Variants in RCHY1 observed in about 807,000 individuals in gnomAD.
RCHY1 encodes ring finger and CHY zinc finger domain containing 1, also known as RING finger and CHY zinc finger domain-containing protein 1.
In RCHY1, 21 loss-of-function variants were observed where a neutral mutation model predicts 41.6. That is an observed-to-expected ratio of 0.51 (90% CI 0.36 to 0.73). The LOEUF (loss-of-function observed/expected upper bound fraction) is 0.73. Ranked by LOEUF, RCHY1 falls within the 30% of genes least tolerant of loss-of-function variation. The pLI is 0.00. For missense variants in RCHY1, 265 were observed against 325.3 expected (o/e 0.81, Z 1.43); for synonymous variants, 79 against 102.9 (o/e 0.77, Z 1.41).
intron 4 of RCHY1, among the ~76,000 whole-genome samples, chr4:75,493,002 G>A (rs535541312): frequency 6.6e-6 from 1 of 152,070 alleles, no homozygotes; most frequent in Admixed American, 6.6e-5. Context: ...CTGAGTTGAT[G>A]GAATGTAAAT....
intron 3 of RCHY1, among the ~76,000 whole-genome samples, chr4:75,499,573 G>A (rs751765782): frequency 6.6e-6 from 1 of 152,138 alleles, no homozygotes; most frequent in Non-Finnish European, 1.5e-5. Context: ...TGTACACTAC[G>A]GAGTATTACT....
intron 7 of RCHY1, 141 bp downstream of exon 7, chr4:75,491,470 T>C (rs1261454620): frequency 1.5e-6 from 1 of 679,184 alleles, no homozygotes; most frequent in Non-Finnish European, 2.5e-6. Context: ...GTTTTAACAA[T>C]ATTCATCTAC....
At chr4:75,490,488 T>C (rs1205544204) in intron 8 of RCHY1, 93 bp downstream of exon 8, 4 of 916,716 alleles carry the variant, frequency 4.4e-6, no homozygotes, top group African/African-American at 1.8e-5. Context: ...AACCAGTATA[T>C]ATATATTTTT....
rs1721379463 is a variant in RCHY1 at position 75,479,731 on chromosome 4, C to T, written c.*2807G>A. 6.6e-6 allele frequency: 1 copy of T among 151,702 alleles called. No individual in the cohort carries two copies. Among genetic ancestry groups the T allele is most frequent in the Admixed American group, 6.6e-5 (1 of 15,248 alleles). 9.4% of individuals were successfully genotyped at this position (151,702 alleles called of 1,614,324 possible). A position where few individuals can be genotyped will look rare whatever the true frequency, so the allele number is the denominator to read the frequency against. On this transcript the variant is annotated 3_prime_UTR_variant, in exon 9 of 9. Transcript: ENST00000324439. Reference sequence around the variant, plus strand: ...AAGGGTATTGTTATTTTACTTTTTTCAAAAATAATCCAAATAAACTATAGA... The same window carrying T: ...AAGGGTATTGTTATTTTACTTTTTTTAAAAATAATCCAAATAAACTATAGA...
intron 3 of RCHY1, among the ~76,000 whole-genome samples, chr4:75,500,637 A>G (rs1005399594): frequency 1.3e-5 from 2 of 152,212 alleles, no homozygotes; most frequent in Admixed American, 6.5e-5. Context: ...CAATTTTTCA[A>G]GCCCACACCT....
At chr4:75,509,355 T>C in intron 1 of RCHY1, 59 bp from the exon 2 acceptor site, 2 of 1,551,706 alleles carry the variant, frequency 1.3e-6, no homozygotes, top group Non-Finnish European at 1.7e-6. Flanking sequence ...AAGTGTGCAA[T>C]ACAAAAAGAA....
chr4:75,492,002 A>T, intron 4 of RCHY1, 69 bp from the exon 5 acceptor site: 2 of 1,218,946 alleles, frequency 1.6e-6, no homozygotes, highest in Non-Finnish European at 2.2e-6. Context: ...AAAAATATTA[A>T]TAATAAAAAT....
chr4:75,482,788 T>G, intron 8 of RCHY1, 122 bp from the exon 9 acceptor site: 1 of 631,704 alleles, frequency 1.6e-6, no homozygotes, highest in Middle Eastern at 4.8e-4. Flanking sequence ...GTCTAAAAAT[T>G]TCCAAAAGTA....
upstream of RCHY1, chr4:75,514,605 C>A (rs1249701155): frequency 3.9e-6 from 1 of 258,674 alleles, no homozygotes; most frequent in Non-Finnish European, 7.4e-6. Context: ...TTGGCGGCAG[C>A]GGCGCGGAGA....
At chr4:75,496,228 AAC>A (rs770002032) in intron 3 of RCHY1, among the ~76,000 whole-genome samples, 1 of 152,144 alleles carries the variant, frequency 6.6e-6, no homozygotes, top group African/African-American at 2.4e-5. Context: ...ATCAGGCAAC[AAC>A]ACAGAGTGAT....
chr4:75,514,258 G>T lies in RCHY1; in HGVS notation c.29C>A (p.Ala10Asp). The T allele has an allele frequency of 6.2e-7, 1 of 1,612,662 alleles. No individual in the cohort carries two copies. The highest frequency in any genetic ancestry group is 8.5e-7 in the Non-Finnish European group (1 of 1,178,816). ...CCGCTGACCTCGCTCTTGACCGCTGGCGCCATCTTCCCGGGCCGTCGCCGC... is the reference window on the plus strand; with the variant it reads ...CCGCTGACCTCGCTCTTGACCGCTGTCGCCATCTTCCCGGGCCGTCGCCGC... MAATAREDG[A>D]SGQERGQRGC... The change falls in exon 1 of 9, where the codon GCC becomes GAC. Residue 10 changes from alanine to aspartate, a missense_variant. Ala to Asp is a moderately radical substitution (Grantham distance 126, BLOSUM62 -2). Transcript: ENST00000324439.
At chr4:75,487,682 T>TA (rs1722277279) in intron 8 of RCHY1, among the ~76,000 whole-genome samples, 2 of 36,630 alleles carry the variant, frequency 5.5e-5, no homozygotes, top group African/African-American at 2.7e-4. Context: ...ATATTCATAA[T>TA]ATATATATTC....
In RCHY1 at chr4:75,508,186, C is replaced by T. The variant is rs72866258; in HGVS notation, c.326+634G>A. 5.7e-3 allele frequency among the ~76,000 whole-genome samples: 867 copies of T among 152,138 alleles called. 9 individuals are homozygous for T. The highest frequency in any genetic ancestry group is 0.02 in the African/African-American group (818 of 41,530). On this transcript the variant is annotated intron_variant, in intron 3 of 8. Coordinates refer to ENST00000324439, the MANE Select transcript of RCHY1 (RefSeq NM_015436.4). ...AGGGACAAGAAGAAAGGACTGAACA[C>T]GGAACACCTTGGGCTTTGACAGTAT... is the stretch of plus-strand genomic sequence containing the variant.
At chr4:75,497,120 G>A (rs1295199907) in intron 3 of RCHY1, among the ~76,000 whole-genome samples, 2 of 152,178 alleles carry the variant, frequency 1.3e-5, no homozygotes, top group East Asian at 3.9e-4. Context: ...CAACTTGAAG[G>A]CACAGTAACA....
In RCHY1 at chr4:75,487,867, A is replaced by AATATATATTCATAATATATATATTCAT. The variant is rs1560513733; in HGVS notation, c.657+2687_657+2713dup. Among the ~76,000 whole-genome samples, 82 of 70,814 alleles carry AATATATATTCATAATATATATATTCAT rather than the reference A, an allele frequency of 1.2e-3. 5 individuals carry two copies. In the Middle Eastern group the frequency reaches 0.028, roughly 24 times the overall value. 46.5% of individuals were successfully genotyped at this position (70,814 alleles called of 152,430 possible). ...ATATATTCATAATATATATATTCAT[A>AATATATATTCATAATATATATATTCAT]ATATATATTCATAATATATATATTC... On this transcript the variant is annotated intron_variant, in intron 8 of 8. Transcript: ENST00000324439.
chr4:75,502,836 C>A (rs1723913817), intron 3 of RCHY1, among the ~76,000 whole-genome samples: 2 of 152,162 alleles, frequency 1.3e-5, no homozygotes. Flanking sequence ...ATCACTAATG[C>A]ATAATCCTTC....
Position 75,494,096 on chromosome 4 carries a change from T to C in RCHY1, c.405+5A>G, listed in dbSNP as rs191212830. ...TTTTAAAATTATACAAACTAAATTA[T>C]ATACCTTGTGTCTTCCTTGAAGATT... is the stretch of plus-strand genomic sequence containing the variant. On this transcript the variant is annotated splice_donor_5th_base_variant and intron_variant, in intron 4 of 8. Coordinates refer to ENST00000324439, the MANE Select transcript of RCHY1 (RefSeq NM_015436.4). 2.2e-4 allele frequency: 318 copies of C among 1,478,278 alleles called. No individual in the cohort carries two copies. In the African/African-American group the frequency reaches 4.3e-3, roughly 20 times the overall value. The allele number at this position is 1,478,278 out of a possible 1,614,324, so 91.6% of individuals were successfully genotyped here.
chr4:75,514,159 C>A, intron 1 of RCHY1, 38 bp downstream of exon 1: 2 of 1,586,364 alleles, frequency 1.3e-6, no homozygotes, highest in South Asian at 1.1e-5. Context: ...CCCAACCTGA[C>A]GGAAGCTTGT....
chr4:75,500,386 CA>C lies in RCHY1; in HGVS notation c.327-6208del, dbSNP rs1422132910. Reference sequence around the variant, plus strand: ...ACTTTTTAAAAAGCTTATTCTTGTACATTACAGTAAGGATATATGTTCATTA... The same window carrying C: ...ACTTTTTAAAAAGCTTATTCTTGTACTTACAGTAAGGATATATGTTCATTA... On this transcript the variant is annotated intron_variant, in intron 3 of 8. Coordinates refer to ENST00000324439, the MANE Select transcript of RCHY1 (RefSeq NM_015436.4). Among the ~76,000 whole-genome samples the C allele has an allele frequency of 7.7e-4, 117 of 152,214 alleles. 1 individual carries two copies. The highest frequency in any genetic ancestry group is 2.9e-4 in the Non-Finnish European group (20 of 68,012).
Sources: gnomAD v4.1 joint callset for allele counts (sites outside exome capture counted in the v4.1 genomes callset) on GRCh38, gnomAD v4.1.1 for gene constraint, MANE v1.5 for transcripts, NCBI Gene and HGNC (gene_info 2026-07-23, HGNC 2026-07-21) for gene names.